Variants in PRUNE2 observed in about 807,000 individuals in gnomAD.
PRUNE2 encodes prune homolog 2 with BCH domain, also known as protein prune homolog 2.
A neutral mutation model predicts 252.0 loss-of-function variants in PRUNE2; 164 were observed. That is an observed-to-expected ratio of 0.65 (90% CI 0.57 to 0.74). The LOEUF (loss-of-function observed/expected upper bound fraction) is 0.74. PRUNE2 is among the 30% of genes least tolerant of loss of function. The pLI is 0.00. For synonymous variants in PRUNE2, 1,292 were observed against 1,350.2 expected (o/e 0.96, Z 0.94); for missense variants, 3,495 against 3,711.0 (o/e 0.94, Z 1.51).
intron 6 of PRUNE2, among the ~76,000 whole-genome samples, chr9:76,767,741 C>T (rs148346675): frequency 4.6e-5 from 7 of 152,090 alleles, no homozygotes; most frequent in African/African-American, 1.7e-4. Context: ...TAAATGAATC[C>T]AGCCTGCCCA....
At chr9:76,887,875 G>T (rs544401459) in intron 1 of PRUNE2, among the ~76,000 whole-genome samples, 3 of 152,248 alleles carry the variant, frequency 2.0e-5, no homozygotes, top group Admixed American at 1.3e-4. Context: ...ATAACCTAGT[G>T]AAAGACAGTT....
In PRUNE2 at chr9:76,843,003, T is replaced by A. The variant is rs370438008; in HGVS notation, c.508+3512A>T. Among the ~76,000 whole-genome samples, 60 of 152,244 alleles carry A rather than the reference T, an allele frequency of 3.9e-4. No individual in the cohort carries two copies. In the East Asian group the frequency reaches 0.011, roughly 28 times the overall value. On this transcript the variant is annotated intron_variant, in intron 4 of 18. Transcript: ENST00000376718. ...ATATACCCAAAGGATTATAAATCAT[T>A]CTATCATAAAGACACATGCACACAT... is the stretch of plus-strand genomic sequence containing the variant.
chr9:76,686,413 ATC>A (rs1429658425), intron 9 of PRUNE2, among the ~76,000 whole-genome samples: 7 of 152,266 alleles, frequency 4.6e-5, no homozygotes, highest in African/African-American at 1.7e-4. Flanking sequence ...AGGAAATCCA[ATC>A]TCTGTCTTTA....
intron 1 of PRUNE2, among the ~76,000 whole-genome samples, chr9:76,885,387 G>A (rs79902388): frequency 6.6e-6 from 1 of 152,242 alleles, no homozygotes; most frequent in East Asian, 1.9e-4. Context: ...ATGAGACAAG[G>A]TGAATTTGAG....
At chr9:76,766,961 A>T (rs1389299910) in intron 6 of PRUNE2, among the ~76,000 whole-genome samples, 2 of 151,580 alleles carry the variant, frequency 1.3e-5, no homozygotes, top group African/African-American at 2.4e-5. Flanking sequence ...TTTATCATCT[A>T]CCTCTCCCAC....
intron 2 of PRUNE2, among the ~76,000 whole-genome samples, chr9:76,853,783 T>C (rs2060094144): frequency 6.6e-6 from 1 of 152,260 alleles, no homozygotes; most frequent in Non-Finnish European, 1.5e-5. Context: ...ATCTGATTCT[T>C]ACTTTTATTA....
intron 4 of PRUNE2, among the ~76,000 whole-genome samples, chr9:76,828,677 T>C (rs979930839): frequency 6.6e-6 from 1 of 152,180 alleles, no homozygotes; most frequent in Non-Finnish European, 1.5e-5. Context: ...ATTTTGTGTA[T>C]ACCCTGTGGT....
At chr9:76,802,422 T>A (rs1489513214) in intron 6 of PRUNE2, among the ~76,000 whole-genome samples, 1 of 152,196 alleles carries the variant, frequency 6.6e-6, no homozygotes, top group East Asian at 1.9e-4. Flanking sequence ...AAAGTCGCAT[T>A]CCTACAGCTC....
intron 11 of PRUNE2, among the ~76,000 whole-genome samples, chr9:76,651,610 A>T (rs1458940756): frequency 2.0e-5 from 3 of 151,788 alleles, no homozygotes; most frequent in Non-Finnish European, 4.4e-5. Flanking sequence ...AATGCCATTT[A>T]AAAAAAAATG....
chr9:76,742,496 T>C (rs1249248828), intron 6 of PRUNE2, among the ~76,000 whole-genome samples: 1 of 151,998 alleles, frequency 6.6e-6, no homozygotes, highest in African/African-American at 2.4e-5. Flanking sequence ...CATGTGCCTG[T>C]TGTCCAAGCT....
chr9:76,860,835 A>C (rs1031188923), intron 1 of PRUNE2, among the ~76,000 whole-genome samples: 1 of 152,190 alleles, frequency 6.6e-6, no homozygotes, highest in South Asian at 2.1e-4. Flanking sequence ...AGAAAACCAG[A>C]AAGAAGGTGG....
chr9:76,861,649 C>G (rs1320745430), intron 1 of PRUNE2, among the ~76,000 whole-genome samples: 1 of 152,174 alleles, frequency 6.6e-6, no homozygotes, highest in African/African-American at 2.4e-5. Flanking sequence ...CTTCCTTAGC[C>G]TGTTTGCTGC....
At position 76,854,131 on chromosome 9, in the gene PRUNE2, G is replaced by A. The variant is rs186842567; in HGVS notation, c.114C>T (p.Thr38=). The A allele has an allele frequency of 5.7e-4, 907 of 1,596,492 alleles. 20 individuals are homozygous for A. In the Admixed American group the frequency reaches 0.015, roughly 26 times the overall value. ...TGTCTAGAAAGTAAGCATATGTGAA[G>A]GTAGAAATGAGAGAATCCAAGTCAC... ...KSCDLDSLIS[T]FTYAYFLDKV... Residue 38 remains threonine (T), a synonymous_variant, in exon 2 of 19, where the codon ACC becomes ACT. Transcript: ENST00000376718.
intron 1 of PRUNE2, among the ~76,000 whole-genome samples, chr9:76,855,741 T>C (rs937634949): frequency 1.3e-5 from 2 of 152,160 alleles, no homozygotes; most frequent in Admixed American, 6.5e-5. Context: ...AACAGCATGA[T>C]TTAAAAGTAT....
chr9:76,853,757 C>T (rs372173802), intron 2 of PRUNE2, among the ~76,000 whole-genome samples: 2 of 152,176 alleles, frequency 1.3e-5, no homozygotes, highest in East Asian at 3.8e-4. Flanking sequence ...GCAAGGATGA[C>T]AAAGGAAAAC....
chr9:76,675,202 T>A (rs1201612794), intron 9 of PRUNE2, among the ~76,000 whole-genome samples: 1 of 69,792 alleles, frequency 1.4e-5, no homozygotes, highest in African/African-American at 3.7e-5. Flanking sequence ...TACAATGAAC[T>A]CAAACAAATT....
chr9:76,755,382 G>A (rs1358348976), intron 6 of PRUNE2, among the ~76,000 whole-genome samples: 1 of 152,132 alleles, frequency 6.6e-6, no homozygotes, highest in African/African-American at 2.4e-5. Context: ...GAATGAGGGA[G>A]GGAGGAATGG....
At chr9:76,887,322 C>T (rs2062162171) in intron 1 of PRUNE2, among the ~76,000 whole-genome samples, 1 of 152,018 alleles carries the variant, frequency 6.6e-6, no homozygotes, top group Non-Finnish European at 1.5e-5. Flanking sequence ...TCCCCCAAAT[C>T]TCCTATTTTT....
chr9:76,737,279 A>G (rs2049159336), intron 6 of PRUNE2: 1 of 152,228 alleles, frequency 6.6e-6, no homozygotes, highest in Non-Finnish European at 1.5e-5. Flanking sequence ...GCTTGCCTCC[A>G]GCCCCATCCT....
Sources: gnomAD v4.1 joint callset for allele counts (sites outside exome capture counted in the v4.1 genomes callset) on GRCh38, gnomAD v4.1.1 for gene constraint, MANE v1.5 for transcripts, NCBI Gene and HGNC (gene_info 2026-07-23, HGNC 2026-07-21) for gene names.